The following CLTCL1 variants were observed in gnomAD, a reference collection of about 807,000 sequenced individuals.
The protein encoded by CLTCL1 is clathrin heavy chain 2.
CLTCL1 carries 159 observed loss-of-function variants against 190.0 expected under a neutral mutation model. The ratio of observed to expected loss-of-function variants is 0.84; its 90% CI spans 0.74 to 0.95. CLTCL1 has a LOEUF of 0.95. CLTCL1 is among the 40% of genes least tolerant of loss of function. The pLI is 0.00. For missense variants in CLTCL1, 1,878 were observed against 2,033.4 expected (o/e 0.92, Z 1.47); for synonymous variants, 752 against 769.6 (o/e 0.98, Z 0.38).
intron 1 of CLTCL1, among the ~76,000 whole-genome samples, chr22:19,290,052 CCCA>C (rs1481486023): frequency 5.3e-5 from 8 of 152,320 alleles, no homozygotes; most frequent in South Asian, 4.1e-4. Flanking sequence ...CACGTGGCTG[CCCA>C]CCACAAGCCA....
intron 3 of CLTCL1, among the ~76,000 whole-genome samples, chr22:19,252,182 G>C (rs957539547): frequency 6.6e-5 from 10 of 152,166 alleles, no homozygotes; most frequent in African/African-American, 2.4e-4. Context: ...CTGGCCTCCA[G>C]TCTTCATGGT....
chr22:19,268,153 A>G (rs2087183217), intron 2 of CLTCL1, among the ~76,000 whole-genome samples: 1 of 152,120 alleles, frequency 6.6e-6, no homozygotes. Flanking sequence ...AAAGAGCTTG[A>G]TGGAGGGACT....
chr22:19,289,941 G>A (rs1555992358), intron 1 of CLTCL1, among the ~76,000 whole-genome samples: 3 of 152,240 alleles, frequency 2.0e-5, no homozygotes, highest in Non-Finnish European at 2.9e-5. Flanking sequence ...CGAAATGTCT[G>A]TAGTGAAGGC....
In CLTCL1 at chr22:19,210,891, A is replaced by AT. The variant is rs577290308; in HGVS notation, c.3066-383dup. Among the ~76,000 whole-genome samples, 5 of 151,116 alleles carry AT rather than the reference A, an allele frequency of 3.3e-5. No homozygotes were observed. The South Asian group carries it at 6.3e-4, about 19-fold the overall frequency. ...TTCTAAGCAATATAGGCAGCTTTGCATTTTTTTTTAACTTTTTAAAAATTT... is the reference window on the plus strand; with the variant it reads ...TTCTAAGCAATATAGGCAGCTTTGCATTTTTTTTTTAACTTTTTAAAAATTT... On this transcript the variant is annotated intron_variant, in intron 19 of 32. Transcript: ENST00000427926.
At chr22:19,263,708 T>C (rs746322460) in intron 2 of CLTCL1, among the ~76,000 whole-genome samples, 1 of 152,220 alleles carries the variant, frequency 6.6e-6, no homozygotes, top group Non-Finnish European at 1.5e-5. Context: ...CGTGAGCCAC[T>C]GCACCCAGCC....
chr22:19,256,142 AT>A (rs2086740820), intron 2 of CLTCL1, among the ~76,000 whole-genome samples: 1 of 151,332 alleles, frequency 6.6e-6, no homozygotes, highest in South Asian at 2.1e-4. Context: ...AAATCCCAGA[AT>A]CCTTTTCCTT....
rs781879964 is a variant in CLTCL1, at chr22:19,221,656, GA to G, written c.2562-46del. 1.6e-4 allele frequency: 232 copies of G among 1,485,186 alleles called. No individual in the cohort carries two copies. In the African/African-American group the frequency reaches 2.8e-3, roughly 18 times the overall value. 92.0% of individuals were successfully genotyped at this position (1,485,186 alleles called of 1,614,324 possible). ...CTGTAAAGTCTCAAGGCTACCACTGGAAGTCTTGAGGGCAACTCCAGGGCTC... is the reference window on the plus strand; with the variant it reads ...CTGTAAAGTCTCAAGGCTACCACTGGAGTCTTGAGGGCAACTCCAGGGCTC... On this transcript the variant is annotated intron_variant, in intron 16 of 32. Transcript: ENST00000427926.
intron 2 of CLTCL1, among the ~76,000 whole-genome samples, chr22:19,272,359 G>A (rs1018791353): frequency 3.9e-5 from 6 of 152,186 alleles, no homozygotes; most frequent in Admixed American, 6.5e-5. Flanking sequence ...CCAGAAAGCC[G>A]GGCAATGACG....
Position 19,180,825 on chromosome 22 carries a change from AC to A in CLTCL1, c.4828-20del. The A allele has an allele frequency of 6.2e-7, 1 of 1,612,882 alleles. No individual in the cohort carries two copies. The highest frequency in any genetic ancestry group is 8.5e-7 in the Non-Finnish European group (1 of 1,179,046). On this transcript the variant is annotated intron_variant, in intron 30 of 32. Transcript: ENST00000427926. ...TGTCCACCTGCAAGGAGGCAAAAGCACGTGAGCACCCGCTTGACAGAGTGCA... is the reference window on the plus strand; with the variant it reads ...TGTCCACCTGCAAGGAGGCAAAAGCAGTGAGCACCCGCTTGACAGAGTGCA...
intron 26 of CLTCL1, among the ~76,000 whole-genome samples, chr22:19,195,255 C>T (rs1211271934): frequency 6.6e-6 from 1 of 152,198 alleles, no homozygotes; most frequent in Non-Finnish European, 1.5e-5. Context: ...CCTCCAGCAA[C>T]CTGCAGACTC....
chr22:19,184,363 C>T, intron 29 of CLTCL1: 1 of 418,092 alleles, frequency 2.4e-6, no homozygotes, highest in Middle Eastern at 6.2e-4. Context: ...GCGGTCCCAG[C>T]TCTGCATGCC....
rs1555955905 is a variant in CLTCL1, at chr22:19,226,252, C to G, written c.1914G>C (p.Arg638Ser). The G allele has an allele frequency of 1.9e-6, 3 of 1,613,934 alleles. No homozygotes were observed. Among genetic ancestry groups the G allele is most frequent in the South Asian group, 2.2e-5 (2 of 91,074 alleles). ...EHYTDLYDIK[R>S]AVVHTHLLNP... ...TGAGGAGGTGAGTGTGGACCACAGCCCTCTTGATGTCATAGAGGTCGGTGT... is the reference window on the plus strand; with the variant it reads ...TGAGGAGGTGAGTGTGGACCACAGCGCTCTTGATGTCATAGAGGTCGGTGT... The change falls in exon 12 of 33, where the codon AGG becomes AGC. Residue 638 changes from arginine (R) to serine (S), a missense_variant. Arg to Ser is a moderately radical substitution (Grantham distance 110). Transcript: ENST00000427926.
At position 19,222,181 on chromosome 22, in the gene CLTCL1, C is replaced by T. The variant is rs1260246382; in HGVS notation, c.2419-88G>A. ...TACGACGTGGACAGTTTGGGCAAAA[C>T]CCTGAAAGGGCTCCTGTTTAGCACT... On this transcript the variant is annotated intron_variant, in intron 15 of 32. Coordinates refer to ENST00000427926, the MANE Select transcript of CLTCL1 (RefSeq NM_007098.4). The T allele has an allele frequency of 1.0e-5, 14 of 1,377,086 alleles. No individual in the cohort carries two copies. The African/African-American group carries it at 1.4e-4, about 14-fold the overall frequency. 85.3% of individuals were successfully genotyped at this position (1,377,086 alleles called of 1,614,324 possible).
intron 11 of CLTCL1, among the ~76,000 whole-genome samples, chr22:19,229,149 G>A (rs1555957576): frequency 6.6e-6 from 1 of 152,172 alleles, no homozygotes; most frequent in African/African-American, 2.4e-5. Context: ...CATGTTAACA[G>A]CAGCATTATT....
intron 2 of CLTCL1, among the ~76,000 whole-genome samples, chr22:19,269,543 G>C (rs1397058522): frequency 6.6e-6 from 1 of 152,162 alleles, no homozygotes; most frequent in African/African-American, 2.4e-5. Flanking sequence ...CAACCCAAAT[G>C]CCCATCAGTG....
intron 3 of CLTCL1, among the ~76,000 whole-genome samples, chr22:19,250,352 T>C (rs1555969490): frequency 6.6e-6 from 1 of 150,786 alleles, no homozygotes; most frequent in Non-Finnish European, 1.5e-5. Flanking sequence ...TTTTTTTTAA[T>C]TTTAGAGACA....
At chr22:19,255,979 T>C (rs1222135915) in intron 2 of CLTCL1, among the ~76,000 whole-genome samples, 1 of 149,954 alleles carries the variant, frequency 6.7e-6, no homozygotes, top group African/African-American at 2.5e-5. Flanking sequence ...TAACAAAGGG[T>C]AAGCAAAGTC....
At chr22:19,228,689 G>A (rs1398000198) in intron 11 of CLTCL1, among the ~76,000 whole-genome samples, 2 of 152,274 alleles carry the variant, frequency 1.3e-5, no homozygotes, top group East Asian at 3.9e-4. Flanking sequence ...GAAGAGATAA[G>A]TAAAGAACAA....
intron 28 of CLTCL1, 84 bp from the exon 29 acceptor site, chr22:19,187,812 G>A: frequency 6.8e-7 from 1 of 1,461,912 alleles, no homozygotes; most frequent in Non-Finnish European, 9.5e-7. Flanking sequence ...TTACTTGATG[G>A]CTGTTGCTAT....
Sources: allele counts gnomAD v4.1 joint callset (sites outside exome capture counted in the v4.1 genomes callset), GRCh38; gene constraint gnomAD v4.1.1; transcripts MANE v1.5; gene names NCBI Gene and HGNC (gene_info 2026-07-23, HGNC 2026-07-21).